The following ADAT2 variants were observed in gnomAD, a reference collection of about 807,000 sequenced individuals.
ADAT2 encodes adenosine deaminase tRNA specific 2.
A neutral mutation model predicts 25.9 loss-of-function variants in ADAT2; 26 were observed. That is an observed-to-expected ratio of 1.00 (90% CI 0.74 to 1.39). ADAT2 has a LOEUF of 1.39. ADAT2 is among the 40% of genes most tolerant of loss of function. ADAT2 has a pLI of 0.00. For missense variants in ADAT2, 220 were observed against 244.8 expected, an observed-to-expected ratio of 0.90 and a Z score of 0.68; for synonymous variants, 76 against 86.8, an observed-to-expected ratio of 0.88 and a Z score of 0.69.
intron 1 of ADAT2, 119 bp from the exon 2 acceptor site, chr6:143,438,813 A>G: frequency 1.3e-6 from 1 of 786,870 alleles, no homozygotes; most frequent in Non-Finnish European, 2.1e-6. Context: ...AAAGAAGTGC[A>G]GCCTTCCCTT....
chr6:143,428,489 G>T lies in ADAT2; in HGVS notation c.550C>A (p.Arg184=). The change falls in exon 6 of 6, where the codon CGG becomes AGG. Residue 184 remains arginine, a synonymous_variant. Transcript: ENST00000237283. This position sits in a 1 kb window ranked among gnomAD's most constrained non-coding sequence, Gnocchi z 5.0. ...CAAGATTTCTGACATTCCTTTTTCC[G>T]AACTTTCGATTTTGGTGCTGTGAAA... ...ENPNAPKSKV[R]KKECQKS is the part of the protein sequence containing the mutation. 1 of 1,613,830 alleles carries T rather than the reference G, an allele frequency of 6.2e-7. No homozygotes were observed. Among genetic ancestry groups the T allele is most frequent in the South Asian group, 1.1e-5 (1 of 91,052 alleles).
chr6:143,437,867 T>G lies in ADAT2; in HGVS notation c.201+723A>C, dbSNP rs1218070696. Among the ~76,000 whole-genome samples the G allele has an allele frequency of 6.6e-6, 1 of 152,176 alleles. No homozygotes were observed. The highest frequency in any genetic ancestry group is 1.5e-5 in the Non-Finnish European group (1 of 68,018). On this transcript the variant is annotated intron_variant, in intron 2 of 5. Coordinates refer to ENST00000237283, the MANE Select transcript of ADAT2 (RefSeq NM_182503.3). This position sits in a 1 kb window ranked among gnomAD's most constrained non-coding sequence, Gnocchi z 4.1. ...CTAGGAATTTTTGTAATCATAAAAT[T>G]TGGTAGTTTACTTATACTTCCCAAG...
In ADAT2 at chr6:143,428,638, G is replaced by A. The variant is rs765514855; in HGVS notation, c.506C>T (p.Thr169Ile). The A allele has an allele frequency of 2.5e-6, 4 of 1,614,056 alleles. No homozygotes were observed. The highest frequency in any genetic ancestry group is 3.4e-6 in the Non-Finnish European group (4 of 1,180,002). ...ATTTGGATTTTCTTGTTTGTAGAAG[G>A]TCTTTAACATTTCCACTGCTTCCTC... is the stretch of plus-strand genomic sequence containing the variant. ...RAEEAVEMLK[T>I]FYKQENPNAP... The change falls in exon 5 of 6, where the codon ACC becomes ATC. Residue 169 changes from threonine to isoleucine, a missense_variant. Thr to Ile is a moderately conservative substitution (Grantham distance 89). Transcript: ENST00000237283. The surrounding 1 kb of genome is among the most constrained non-coding windows in gnomAD (Gnocchi z 5.0).
Position 143,424,880 on chromosome 6 carries a change from A to ATT in ADAT2, c.*3582_*3583insAA, listed in dbSNP as rs1778884358. 1 of 152,216 alleles carries ATT rather than the reference A, an allele frequency of 6.6e-6. No homozygotes were observed. The highest frequency in any genetic ancestry group is 1.5e-5 in the Non-Finnish European group (1 of 68,048). 9.4% of individuals were successfully genotyped at this position (152,216 alleles called of 1,614,324 possible). ...AAATACATTTTCTGTTTAAAATGTAACAGCTCCTCTTCCCACAGACTGCTT... is the reference window on the plus strand; with the variant it reads ...AAATACATTTTCTGTTTAAAATGTAATTCAGCTCCTCTTCCCACAGACTGCTT... On this transcript the variant is annotated 3_prime_UTR_variant, in exon 6 of 6. Transcript: ENST00000237283. The surrounding 1 kb of genome is among the most constrained non-coding windows in gnomAD (Gnocchi z 4.8).
rs1779200868 is a variant in ADAT2 at position 143,434,251 on chromosome 6, A to G, written c.202-270T>C. On this transcript the variant is annotated intron_variant, in intron 2 of 5. Transcript: ENST00000237283. The surrounding 1 kb of genome is among the most constrained non-coding windows in gnomAD (Gnocchi z 4.5). The stretch of plus-strand genomic sequence containing the variant: ...AAGTACCTTAGGGAAAACTCTTTCA[A>G]TTAAAATGCCATGGAGAAGGTAAGT... Among the ~76,000 whole-genome samples the G allele has an allele frequency of 6.6e-6, 1 of 152,232 alleles. No homozygotes were observed. Among genetic ancestry groups the G allele is most frequent in the African/African-American group, 2.4e-5 (1 of 41,462 alleles).
At position 143,428,656 on chromosome 6, in the gene ADAT2, G is replaced by A. The variant is rs1322542320; in HGVS notation, c.488C>T (p.Ala163Val). 1 of 1,613,884 alleles carries A rather than the reference G, an allele frequency of 6.2e-7. No homozygotes were observed. The highest frequency in any genetic ancestry group is 2.2e-5 in the East Asian group (1 of 44,864). The change falls in exon 5 of 6, where the codon GCA becomes GTA. Residue 163 changes from alanine to valine, a missense_variant. By Grantham distance (64) the Ala-to-Val change is moderately conservative. Coordinates refer to ENST00000237283, the MANE Select transcript of ADAT2 (RefSeq NM_182503.3). This position sits in a 1 kb window ranked among gnomAD's most constrained non-coding sequence, Gnocchi z 5.0. The part of the protein sequence containing the change: ...QCIPGYRAEE[A>V]VEMLKTFYKQ... ...GTAGAAGGTCTTTAACATTTCCACT[G>A]CTTCCTCAGCCCGATATCCAGGGAT...
rs3761999 is a variant in ADAT2, at chr6:143,433,801, G to C, written c.352+30C>G. On this transcript the variant is annotated intron_variant, in intron 3 of 5. Coordinates refer to ENST00000237283, the MANE Select transcript of ADAT2 (RefSeq NM_182503.3). ...ACTCTCTTGTTCACACGAATGGTAC[G>C]ATACATTAACTCATGAAGTCAAAGG... 1,110 of 1,606,734 alleles carry C rather than the reference G, an allele frequency of 6.9e-4. 7 individuals carry two copies. The highest frequency in any genetic ancestry group is 5.9e-3 in the African/African-American group (438 of 74,824).
At chr6:143,448,817 G>A (rs1324641312) in intron 1 of ADAT2, among the ~76,000 whole-genome samples, 8 of 151,810 alleles carry the variant, frequency 5.3e-5, no homozygotes, top group African/African-American at 1.2e-4. Flanking sequence ...AGACCAGCTC[G>A]GGCAACACAG....
At position 143,442,317 on chromosome 6, in the gene ADAT2, G is replaced by A. The variant is rs763929820; in HGVS notation, c.97-3623C>T. Among the ~76,000 whole-genome samples, 13 of 151,220 alleles carry A rather than the reference G, an allele frequency of 8.6e-5. No homozygotes were observed. Among genetic ancestry groups the A allele is most frequent in the Non-Finnish European group, 1.8e-4 (12 of 67,898 alleles). ...GAGAAAGCCAAGCCAAATGGTTACA[G>A]ATTCATGTACATAGCATTTTTGAAT... On this transcript the variant is annotated intron_variant, in intron 1 of 5. Coordinates refer to ENST00000237283, the MANE Select transcript of ADAT2 (RefSeq NM_182503.3). This position sits in a 1 kb window ranked among gnomAD's most constrained non-coding sequence, Gnocchi z 4.6.
chr6:143,441,323 T>C (rs1779449960), intron 1 of ADAT2: 1 of 152,180 alleles, frequency 6.6e-6, no homozygotes, highest in Non-Finnish European at 1.5e-5. Context: ...CTCTTAAAAC[T>C]CCACAATAAA....
At chr6:143,435,501 A>G (rs1779245868) in intron 2 of ADAT2, among the ~76,000 whole-genome samples, 1 of 151,288 alleles carries the variant, frequency 6.6e-6, no homozygotes, top group Admixed American at 6.7e-5. Context: ...ACCCAGGTTA[A>G]TTTCAGCATA....
At position 143,448,193 on chromosome 6, in the gene ADAT2, T is replaced by C. The variant is rs971112989; in HGVS notation, c.96+2370A>G. Among the ~76,000 whole-genome samples, 5 of 152,058 alleles carry C rather than the reference T, an allele frequency of 3.3e-5. No individual in the cohort carries two copies. In the East Asian group the frequency reaches 9.6e-4, roughly 29 times the overall value. On this transcript the variant is annotated intron_variant, in intron 1 of 5. Coordinates refer to ENST00000237283, the MANE Select transcript of ADAT2 (RefSeq NM_182503.3). Reference sequence around the variant, plus strand: ...GCATGTTCTCACTCATAGATGGGAATTGAACAATGAGAACACTTGGACACA... The same window carrying C: ...GCATGTTCTCACTCATAGATGGGAACTGAACAATGAGAACACTTGGACACA...
In ADAT2 at chr6:143,437,592, T is replaced by C. The variant is rs1583981463; in HGVS notation, c.201+998A>G. On this transcript the variant is annotated intron_variant, in intron 2 of 5. Transcript: ENST00000237283. This position sits in a 1 kb window ranked among gnomAD's most constrained non-coding sequence, Gnocchi z 4.1. ...TTTTTGGTTGTACAGAAGTTACGTA[T>C]TAAAATATAATCCTGTTCTATTTTA... Among the ~76,000 whole-genome samples, 2 of 152,218 alleles carry C rather than the reference T, an allele frequency of 1.3e-5. No individual in the cohort carries two copies. The highest frequency in any genetic ancestry group is 3.8e-4 in the East Asian group (2 of 5,196).
Position 143,432,594 on chromosome 6 carries a change from A to G in ADAT2, c.370T>C (p.Tyr124His), listed in dbSNP as rs894576668. 1.2e-6 allele frequency: 2 copies of G among 1,614,116 alleles called. No homozygotes were observed. The highest frequency in any genetic ancestry group is 1.3e-5 in the African/African-American group (1 of 74,942). Reference sequence around the variant, plus strand: ...CCAAATCGTTCATTCTGACAGCCATATACAACCAGCGGGATTTATAAGACA... The same window carrying G: ...CCAAATCGTTCATTCTGACAGCCATGTACAACCAGCGGGATTTATAAGACA... ...LRLMKIPLVV[Y>H]GCQNERFGGC... Residue 124 changes from tyrosine to histidine, a missense_variant, in exon 4 of 6, where the codon TAT becomes CAT. Coordinates refer to ENST00000237283, the MANE Select transcript of ADAT2 (RefSeq NM_182503.3). This position sits in a 1 kb window ranked among gnomAD's most constrained non-coding sequence, Gnocchi z 4.4.
Position 143,428,301 on chromosome 6 carries a change from A to C in ADAT2, c.*162T>G. On this transcript the variant is annotated 3_prime_UTR_variant, in exon 6 of 6. Transcript: ENST00000237283. This position sits in a 1 kb window ranked among gnomAD's most constrained non-coding sequence, Gnocchi z 5.0. ...GTTTACAATTGTCAGACTTCTAAAA[A>C]GTGCTAATTTGTTCCCTTAACAGAG... 1.4e-6 allele frequency: 1 copy of C among 705,798 alleles called. No individual in the cohort carries two copies. The highest frequency in any genetic ancestry group is 2.0e-5 in the South Asian group (1 of 48,926). The allele number at this position is 705,798 out of a possible 1,614,324, so 43.7% of individuals were successfully genotyped here.
rs1445326679 is a variant in ADAT2 at position 143,424,217 on chromosome 6, T to C, written c.*4246A>G. 2 of 152,354 alleles carry C rather than the reference T, an allele frequency of 1.3e-5. No individual in the cohort carries two copies. Among genetic ancestry groups the C allele is most frequent in the East Asian group, 1.9e-4 (1 of 5,186 alleles). 9.4% of individuals were successfully genotyped at this position (152,354 alleles called of 1,614,324 possible). On this transcript the variant is annotated 3_prime_UTR_variant, in exon 6 of 6. Transcript: ENST00000237283. The surrounding 1 kb of genome is among the most constrained non-coding windows in gnomAD (Gnocchi z 4.8). ...AGGAAATAGTTGGCAGTTGTCTTCA[T>C]AGATGAAGTCAATGTAGTCTTATTC...
intron 2 of ADAT2, among the ~76,000 whole-genome samples, chr6:143,435,597 T>C (rs1161715156): frequency 6.6e-6 from 1 of 152,222 alleles, no homozygotes; most frequent in Non-Finnish European, 1.5e-5. Flanking sequence ...ATACACAAAA[T>C]GCAAATTGGA....
rs1470760146 is a variant in ADAT2, at chr6:143,436,130, C to T, written c.202-2149G>A. 1 of 152,576 alleles carries T rather than the reference C, an allele frequency of 6.6e-6. No homozygotes were observed. Among genetic ancestry groups the T allele is most frequent in the Non-Finnish European group, 1.5e-5 (1 of 68,248 alleles). 9.5% of individuals were successfully genotyped at this position (152,576 alleles called of 1,614,324 possible). A position where few individuals can be genotyped will look rare whatever the true frequency, so the allele number is the denominator to read the frequency against. ...ATATGGCAAAATTTTAATAGTTCTG[C>T]ATAGAGAAATGAGATAGAACTGCTT... On this transcript the variant is annotated intron_variant, in intron 2 of 5. Transcript: ENST00000237283. The surrounding 1 kb of genome is among the most constrained non-coding windows in gnomAD (Gnocchi z 4.1).
rs1371908046 is a variant in ADAT2 at position 143,426,585 on chromosome 6, A to C, written c.*1878T>G. The C allele has an allele frequency of 2.0e-5, 3 of 152,238 alleles. No homozygotes were observed. The highest frequency in any genetic ancestry group is 7.2e-5 in the African/African-American group (3 of 41,454). The allele number at this position is 152,238 out of a possible 1,614,324, so 9.4% of individuals were successfully genotyped here. Reference sequence around the variant, plus strand: ...TTCTCCAAAACAGCAAAGACGGAACATATGTATATTGTTAAGTCTTTTCTA... The same window carrying C: ...TTCTCCAAAACAGCAAAGACGGAACCTATGTATATTGTTAAGTCTTTTCTA... On this transcript the variant is annotated 3_prime_UTR_variant, in exon 6 of 6. Transcript: ENST00000237283. The surrounding 1 kb of genome is among the most constrained non-coding windows in gnomAD (Gnocchi z 4.1).
Sources: gnomAD v4.1 joint callset for allele counts (sites outside exome capture counted in the v4.1 genomes callset) on GRCh38, gnomAD v4.1.1 for gene constraint, Gnocchi (gnomAD v3.1) non-coding constraint, MANE v1.5 for transcripts, NCBI Gene and HGNC (gene_info 2026-07-23, HGNC 2026-07-21) for gene names.